PASK: variants seen among roughly 807,000 people sequenced by gnomAD.
PASK encodes the protein PAS domain containing serine/threonine kinase.
Under a neutral mutation model 121.0 loss-of-function variants are expected in PASK, and 110 were observed. The observed-to-expected ratio is 0.91, with a 90% CI of 0.78 to 1.06. The LOEUF is 1.06. Ranked by LOEUF, PASK falls within the 50% of genes least tolerant of loss-of-function variation. The pLI is 0.00. For missense variants in PASK, 1,643 were observed against 1,702.3 expected (o/e 0.97, Z 0.61); for synonymous variants, 686 against 717.8 (o/e 0.96, Z 0.71).
rs1303898604 is a variant in PASK, at chr2:241,137,415, C to T, written c.877-151G>A. On this transcript the variant is annotated intron_variant, in intron 6 of 17. Coordinates refer to ENST00000234040, the MANE Select transcript of PASK (RefSeq NM_015148.4). The stretch of plus-strand genomic sequence containing the variant: ...CACACTGCTCTGCCTTCCCTCTCCT[C>T]CCAGGCCCAGCTGGCCCAGGAAAGA... 5.5e-6 allele frequency: 4 copies of T among 733,562 alleles called. No individual in the cohort carries two copies. In the African/African-American group the frequency reaches 6.8e-5, roughly 13 times the overall value. 45.4% of individuals were successfully genotyped at this position (733,562 alleles called of 1,614,324 possible). A position where few individuals can be genotyped will look rare whatever the true frequency, so the allele number is the denominator to read the frequency against.
Position 241,127,355 on chromosome 2 carries a change from C to T in PASK, c.1560G>A (p.Val520=). ...GATCCTGTCCGGGGCTCTCTATTGC[C>T]ACAGGTTCCTCTCTCCCCAAGGCAG... The part of the protein sequence containing the change: ...QITALGREEP[V]AIESPGQDLL... The change falls in exon 10 of 18, where the codon GTG becomes GTA. Residue 520 remains valine (V), a synonymous_variant. Transcript: ENST00000234040. 1.2e-6 allele frequency: 2 copies of T among 1,614,210 alleles called. No individual in the cohort carries two copies. Among genetic ancestry groups the T allele is most frequent in the Non-Finnish European group, 1.7e-6 (2 of 1,180,036 alleles).
chr2:241,108,425 G>T lies in PASK; in HGVS notation c.3534-125C>A. 1 of 940,840 alleles carries T rather than the reference G, an allele frequency of 1.1e-6. No homozygotes were observed. The highest frequency in any genetic ancestry group is 1.7e-6 in the Non-Finnish European group (1 of 596,988). The allele number at this position is 940,840 out of a possible 1,614,324, so 58.3% of individuals were successfully genotyped here. On this transcript the variant is annotated intron_variant, in intron 15 of 17. Coordinates refer to ENST00000234040, the MANE Select transcript of PASK (RefSeq NM_015148.4). This position sits in a 1 kb window ranked among gnomAD's most constrained non-coding sequence, Gnocchi z 5.2. ...GCCAGGCAGTGGTTTCCCAAGAGGAGGGTCACTCCACCCCTCAAACACGCC... is the reference window on the plus strand; with the variant it reads ...GCCAGGCAGTGGTTTCCCAAGAGGATGGTCACTCCACCCCTCAAACACGCC...
intron 1 of PASK, among the ~76,000 whole-genome samples, chr2:241,145,212 C>A (rs528422965): frequency 6.6e-6 from 1 of 152,076 alleles, no homozygotes; most frequent in African/African-American, 2.4e-5. Context: ...CGCGCCCGGC[C>A]GACTTCTCCC....
chr2:241,139,091 G>C (rs1160341575), intron 4 of PASK, among the ~76,000 whole-genome samples: 2 of 152,194 alleles, frequency 1.3e-5, no homozygotes, highest in African/African-American at 4.8e-5. Context: ...CCAACACATG[G>C]TGAATATCTT....
rs756587282 is a variant in PASK at position 241,126,900 on chromosome 2, G to A, written c.2015C>T (p.Ala672Val). 3.1e-6 allele frequency: 5 copies of A among 1,613,716 alleles called. No individual in the cohort carries two copies. Among genetic ancestry groups the A allele is most frequent in the Admixed American group, 1.7e-5 (1 of 60,008 alleles). Residue 672 changes from alanine to valine, a missense_variant, in exon 10 of 18, where the codon GCA (alanine) becomes GTA (valine). By Grantham distance (64) the Ala-to-Val change is moderately conservative. Transcript: ENST00000234040. ...IKEQLSQLSL[A>V]GALDVPHAEL... ...GGCGTGGGGGACATCCAGGGCTCCT[G>A]CAAGGCTCAACTGGGACAGCTGCTC...
chr2:241,149,579 G>A (rs1320944824), upstream of PASK: 1 of 1,421,334 alleles, frequency 7.0e-7, no homozygotes, highest in African/African-American at 1.4e-5. Context: ...GAGTCTAGAA[G>A]CCCGCGCTAA....
chr2:241,139,564 G>T, intron 4 of PASK: 1 of 600,982 alleles, frequency 1.7e-6, no homozygotes, highest in Non-Finnish European at 3.2e-6. Context: ...TTGAGCATCT[G>T]ATGTGCTGCC....
At chr2:241,107,024 T>A (rs749659605) in intron 17 of PASK, among the ~76,000 whole-genome samples, 1 of 152,096 alleles carries the variant, frequency 6.6e-6, no homozygotes, top group Non-Finnish European at 1.5e-5. Context: ...GGCCTCATCC[T>A]CCCCTTCGGC....
chr2:241,128,761 G>A (rs1213671254), intron 9 of PASK, among the ~76,000 whole-genome samples: 4 of 152,046 alleles, frequency 2.6e-5, no homozygotes, highest in African/African-American at 9.7e-5. Context: ...AGCTACTTGG[G>A]AGGCTGAAGC....
At chr2:241,135,335 C>T (rs1474727515) in intron 8 of PASK, among the ~76,000 whole-genome samples, 4 of 152,102 alleles carry the variant, frequency 2.6e-5, no homozygotes, top group African/African-American at 7.2e-5. Context: ...TGCCAAAATC[C>T]GAGCACCCTC....
chr2:241,149,634 A>C (rs550766380), upstream of PASK: 1,434 of 1,538,836 alleles, frequency 9.3e-4, 30 homozygotes, highest in South Asian at 0.015. Context: ...GCTTCGGAGG[A>C]GCCAAAGGAA....
At chr2:241,124,197 T>C in intron 10 of PASK, 64 bp from the exon 11 acceptor site, 5 of 1,396,826 alleles carry the variant, frequency 3.6e-6, no homozygotes, top group Non-Finnish European at 5.0e-6. Flanking sequence ...CAGCTTTAGG[T>C]TAGAAAAGTC....
intron 6 of PASK, 62 bp from the exon 7 acceptor site, chr2:241,137,326 G>A (rs908923580): frequency 6.5e-5 from 94 of 1,438,566 alleles, no homozygotes; most frequent in African/African-American, 8.4e-5. Flanking sequence ...CACTGAGTCT[G>A]TGCTGCGTCC....
At chr2:241,122,701 C>A in intron 12 of PASK, 31 bp downstream of exon 12, 1 of 1,603,680 alleles carries the variant, frequency 6.2e-7, no homozygotes, top group African/African-American at 1.3e-5. Flanking sequence ...AAGTGGTGCC[C>A]GGCGCCACTC....
At chr2:241,121,353 A>G (rs2065600024) in intron 12 of PASK, among the ~76,000 whole-genome samples, 1 of 152,226 alleles carries the variant, frequency 6.6e-6, no homozygotes, top group African/African-American at 2.4e-5. Flanking sequence ...ATATCTCAAT[A>G]CCGATGCCAA....
chr2:241,133,204 T>C, intron 8 of PASK, 174 bp from the exon 9 acceptor site: 1 of 685,806 alleles, frequency 1.5e-6, no homozygotes, highest in East Asian at 2.7e-5. Context: ...GCCTCCTGTC[T>C]CCCTGCTCCT....
chr2:241,126,542 G>C lies in PASK; in HGVS notation c.2373C>G (p.Val791=). The change falls in exon 10 of 18, where the codon GTC becomes GTG. Residue 791 remains valine, a synonymous_variant. Transcript: ENST00000234040. ...GTAGTAACAGCTCCCTGTCATCCAG[G>C]ACACACGACCCCTGTTCCTGGAGAC... is the stretch of plus-strand genomic sequence containing the variant. ...VGSLQEQGSC[V]LDDRELLLLT... The C allele has an allele frequency of 6.2e-7, 1 of 1,614,250 alleles. No homozygotes were observed. The highest frequency in any genetic ancestry group is 1.1e-5 in the South Asian group (1 of 91,088).
upstream of PASK, chr2:241,150,132 C>A: frequency 7.9e-7 from 1 of 1,265,260 alleles, no homozygotes; most frequent in Non-Finnish European, 1.0e-6. Context: ...CCTCCGAGGT[C>A]GAGACAGTGA....
intron 9 of PASK, among the ~76,000 whole-genome samples, chr2:241,128,967 G>A (rs1009458128): frequency 6.6e-6 from 1 of 151,730 alleles, no homozygotes; most frequent in Non-Finnish European, 1.5e-5. Context: ...GAGGGGAACT[G>A]AGGGGGAGGC....
Sources: allele counts gnomAD v4.1 joint callset (sites outside exome capture counted in the v4.1 genomes callset), GRCh38; gene constraint gnomAD v4.1.1; non-coding constraint Gnocchi (gnomAD v3.1); transcripts MANE v1.5; gene names NCBI Gene and HGNC (gene_info 2026-07-23, HGNC 2026-07-21).